Variants in CDH12 observed in about 807,000 individuals in gnomAD.
CDH12 encodes cadherin 12.
CDH12 carries 41 observed loss-of-function variants against 74.1 expected under a neutral mutation model. The ratio of observed to expected loss-of-function variants is 0.55; its 90% CI spans 0.43 to 0.72. The LOEUF is 0.72. Among genes scored for constraint, CDH12 ranks in the 30% least tolerant of loss-of-function variants. CDH12 has a pLI of 0.00. For synonymous variants in CDH12, 399 were observed against 355.0 expected (o/e 1.12, Z -1.39); for missense variants, 945 against 977.2 (o/e 0.97, Z 0.44).
At chr5:22,333,115 AC>A (rs1739418404) in intron 3 of CDH12, among the ~76,000 whole-genome samples, 1 of 152,182 alleles carries the variant, frequency 6.6e-6, no homozygotes, top group Non-Finnish European at 1.5e-5. Context: ...GTACACATAC[AC>A]CATGGAATAC....
At chr5:21,770,281 T>A (rs1333657386) in intron 11 of CDH12, among the ~76,000 whole-genome samples, 2 of 152,056 alleles carry the variant, frequency 1.3e-5, no homozygotes, top group Non-Finnish European at 2.9e-5. Context: ...TACACTGGAG[T>A]TATTTTGTTT....
intron 1 of CDH12, among the ~76,000 whole-genome samples, chr5:22,662,033 A>T (rs190603530): frequency 6.6e-6 from 1 of 152,266 alleles, no homozygotes; most frequent in Admixed American, 6.5e-5. Flanking sequence ...GGTTTTGAAA[A>T]AACTTGAAAA....
At position 22,725,601 on chromosome 5, in the gene CDH12, T is replaced by A. The variant is rs199640164; in HGVS notation, c.-523+127457A>T. On this transcript the variant is annotated intron_variant, in intron 1 of 14. Transcript: ENST00000382254. Reference sequence around the variant, plus strand: ...GGCAGGTCCTTCAAGCCATTTTTTTTTATATATATAAGGACACTAATCTCA... The same window carrying A: ...GGCAGGTCCTTCAAGCCATTTTTTTATATATATATAAGGACACTAATCTCA... 1.1e-3 allele frequency among the ~76,000 whole-genome samples: 170 copies of A among 151,374 alleles called. 1 individual carries two copies. In the East Asian group the frequency reaches 0.029, roughly 26 times the overall value.
At chr5:22,516,038 T>C (rs1303447667) in intron 1 of CDH12, among the ~76,000 whole-genome samples, 1 of 152,086 alleles carries the variant, frequency 6.6e-6, no homozygotes, top group African/African-American at 2.4e-5. Flanking sequence ...AAAAATAACA[T>C]ACACATGACT....
chr5:22,481,073 T>G (rs529668900), intron 2 of CDH12, among the ~76,000 whole-genome samples: 1 of 152,340 alleles, frequency 6.6e-6, no homozygotes, highest in Admixed American at 6.5e-5. Context: ...TTATCTCTTA[T>G]GTTCATATTT....
chr5:22,763,481 A>G (rs911223140), intron 1 of CDH12, among the ~76,000 whole-genome samples: 10 of 152,102 alleles, frequency 6.6e-5, no homozygotes, highest in African/African-American at 2.4e-4. Context: ...TAACAGTATT[A>G]GATGTCTGAA....
chr5:21,940,725 A>T (rs1469132643), intron 6 of CDH12, among the ~76,000 whole-genome samples: 1 of 152,164 alleles, frequency 6.6e-6, no homozygotes, highest in Admixed American at 6.6e-5. Flanking sequence ...ATATCTGATG[A>T]TATACAATTG....
intron 1 of CDH12, among the ~76,000 whole-genome samples, chr5:22,635,698 G>A (rs1218122346): frequency 6.6e-6 from 1 of 152,036 alleles, no homozygotes; most frequent in Non-Finnish European, 1.5e-5. Context: ...GGCGGATCAC[G>A]AGGTCAGGAG....
At chr5:22,246,237 G>A (rs1056426774) in intron 3 of CDH12, among the ~76,000 whole-genome samples, 2 of 152,128 alleles carry the variant, frequency 1.3e-5, no homozygotes, top group African/African-American at 4.8e-5. Flanking sequence ...GACAATCTGT[G>A]TAAGGCACTG....
chr5:22,181,846 T>C (rs1353722822), intron 4 of CDH12, among the ~76,000 whole-genome samples: 2 of 152,154 alleles, frequency 1.3e-5, no homozygotes, highest in South Asian at 2.1e-4. Context: ...GCCATCCATA[T>C]ATGAGTACTT....
At chr5:22,832,224 G>A (rs1736647560) in intron 1 of CDH12, among the ~76,000 whole-genome samples, 1 of 152,128 alleles carries the variant, frequency 6.6e-6, no homozygotes, top group Non-Finnish European at 1.5e-5. Flanking sequence ...TATACAGAAT[G>A]GAAAATGTAG....
chr5:22,149,436 C>G (rs1747424934), intron 4 of CDH12, among the ~76,000 whole-genome samples: 1 of 152,054 alleles, frequency 6.6e-6, no homozygotes, highest in African/African-American at 2.4e-5. Context: ...CTTGAGTTGT[C>G]CTATATGTTT....
chr5:21,968,818 G>T (rs1472035634), intron 6 of CDH12, among the ~76,000 whole-genome samples: 2 of 152,082 alleles, frequency 1.3e-5, no homozygotes, highest in Admixed American at 6.6e-5. Context: ...ATGAGATCAT[G>T]TCCTTTGCAG....
At chr5:22,419,444 G>A (rs964921560) in intron 2 of CDH12, among the ~76,000 whole-genome samples, 4 of 152,062 alleles carry the variant, frequency 2.6e-5, no homozygotes, top group Admixed American at 6.6e-5. Context: ...TGAGGGTAAT[G>A]GCTTCTACCT....
intron 1 of CDH12, among the ~76,000 whole-genome samples, chr5:22,649,443 CAT>C (rs1031045988): frequency 1.3e-5 from 2 of 151,950 alleles, no homozygotes; most frequent in African/African-American, 2.4e-5. Flanking sequence ...GCAAGAGACT[CAT>C]ATTTTTCACA....
At chr5:21,813,997 C>T (rs1035410961) in intron 9 of CDH12, among the ~76,000 whole-genome samples, 3 of 152,038 alleles carry the variant, frequency 2.0e-5, no homozygotes, top group African/African-American at 7.2e-5. Context: ...GCCCTATCTC[C>T]ATAGTGGAGT....
intron 1 of CDH12, among the ~76,000 whole-genome samples, chr5:22,831,780 C>A (rs779683896): frequency 2.8e-4 from 42 of 151,876 alleles, no homozygotes; most frequent in Non-Finnish European, 5.3e-4. Context: ...CGCCTGTAAT[C>A]CAAGCTACTC....
At chr5:22,566,680 G>A (rs561686944) in intron 1 of CDH12, among the ~76,000 whole-genome samples, 1 of 152,244 alleles carries the variant, frequency 6.6e-6, no homozygotes, top group Admixed American at 6.5e-5. Context: ...ATGCTGGTTA[G>A]CGTCCGGAAT....
At chr5:22,081,774 C>T (rs1580219838) in intron 4 of CDH12, among the ~76,000 whole-genome samples, 1 of 152,174 alleles carries the variant, frequency 6.6e-6, no homozygotes, top group East Asian at 1.9e-4. Flanking sequence ...GCTTAGAAGT[C>T]AAATGTGTCT....
Sources: gnomAD v4.1 joint callset for allele counts (sites outside exome capture counted in the v4.1 genomes callset) on GRCh38, gnomAD v4.1.1 for gene constraint, MANE v1.5 for transcripts, NCBI Gene and HGNC (gene_info 2026-07-23, HGNC 2026-07-21) for gene names.